The following MRPL13 variants were observed in gnomAD, a reference collection of about 807,000 sequenced individuals.
MRPL13 encodes mitochondrial ribosomal protein L13.
In MRPL13, 33 loss-of-function variants were observed where a neutral mutation model predicts 29.0. That is an observed-to-expected ratio of 1.14 (90% CI 0.86 to 1.52). The LOEUF is 1.52. Among genes scored for constraint, MRPL13 ranks in the 40% most tolerant of loss-of-function variants. The pLI, the probability that MRPL13 is intolerant of heterozygous loss-of-function variation, is 0.00. For missense variants in MRPL13, 227 were observed against 216.7 expected, an observed-to-expected ratio of 1.05 and a Z score of -0.30; for synonymous variants, 77 against 68.4, an observed-to-expected ratio of 1.13 and a Z score of -0.62.
intron 6 of MRPL13, among the ~76,000 whole-genome samples, chr8:120,399,793 G>C (rs2130448286): frequency 6.6e-6 from 1 of 152,100 alleles, no homozygotes; most frequent in Admixed American, 6.5e-5. Context: ...AAGGGATGGA[G>C]GAAAATTTAC....
At chr8:120,426,766 G>C (rs1278084248) in intron 3 of MRPL13, among the ~76,000 whole-genome samples, 1 of 151,996 alleles carries the variant, frequency 6.6e-6, no homozygotes, top group Non-Finnish European at 1.5e-5. Flanking sequence ...GCTAGCCAAG[G>C]GTTTTTCATT....
At chr8:120,420,024 G>C in intron 4 of MRPL13, 86 bp from the exon 5 acceptor site, 1 of 848,530 alleles carries the variant, frequency 1.2e-6, no homozygotes, top group Non-Finnish European at 1.7e-6. Context: ...TGATGAAAAT[G>C]AGGGGTTTAG....
intron 6 of MRPL13, among the ~76,000 whole-genome samples, chr8:120,402,554 A>G (rs1348316643): frequency 6.6e-6 from 1 of 152,224 alleles, no homozygotes. Flanking sequence ...ACCCTAGAAG[A>G]AAATCTGGGC....
chr8:120,407,958 A>G (rs1812695537), intron 6 of MRPL13, among the ~76,000 whole-genome samples: 1 of 152,232 alleles, frequency 6.6e-6, no homozygotes, highest in Admixed American at 6.5e-5. Flanking sequence ...TTTGAGTTTT[A>G]AGTCACTTCC....
intron 6 of MRPL13, among the ~76,000 whole-genome samples, chr8:120,407,183 A>T (rs760273165): frequency 6.6e-6 from 1 of 152,244 alleles, no homozygotes; most frequent in Non-Finnish European, 1.5e-5. Context: ...GAATTCAGAA[A>T]TGACAGAAGT....
At chr8:120,438,654 C>T (rs1813082230) in intron 2 of MRPL13, among the ~76,000 whole-genome samples, 1 of 152,094 alleles carries the variant, frequency 6.6e-6, no homozygotes, top group Non-Finnish European at 1.5e-5. Context: ...GATACCATTG[C>T]TAAGGAAAAA....
intron 3 of MRPL13, among the ~76,000 whole-genome samples, chr8:120,427,657 A>C (rs1377525142): frequency 1.3e-5 from 2 of 152,122 alleles, no homozygotes; most frequent in Non-Finnish European, 2.9e-5. Flanking sequence ...ACTACAAACT[A>C]CTGCCCAAAG....
chr8:120,411,597 G>A (rs778098974), intron 6 of MRPL13, among the ~76,000 whole-genome samples: 3 of 152,118 alleles, frequency 2.0e-5, no homozygotes, highest in Admixed American at 6.6e-5. Flanking sequence ...CTATCCATAC[G>A]TTTCAGTAAA....
At chr8:120,399,616 T>C (rs1036663983) in intron 6 of MRPL13, among the ~76,000 whole-genome samples, 7 of 152,110 alleles carry the variant, frequency 4.6e-5, no homozygotes, top group Non-Finnish European at 8.8e-5. Context: ...GCTAGCATCA[T>C]GACAGGATCA....
At chr8:120,403,896 C>A (rs990090166) in intron 6 of MRPL13, among the ~76,000 whole-genome samples, 2 of 152,126 alleles carry the variant, frequency 1.3e-5, no homozygotes, top group African/African-American at 2.4e-5. Flanking sequence ...CTCTGAGCAA[C>A]AAAGGCACTG....
intron 6 of MRPL13, among the ~76,000 whole-genome samples, chr8:120,401,241 C>T (rs1812593213): frequency 6.6e-6 from 1 of 152,134 alleles, no homozygotes; most frequent in African/African-American, 2.4e-5. Context: ...AACATCGATG[C>T]AAAAATCCTC....
At position 120,395,549 on chromosome 8, in the gene MRPL13, T is replaced by G. The variant is rs1007191414; in HGVS notation, c.*555A>C. 1 of 152,506 alleles carries G rather than the reference T, an allele frequency of 6.6e-6. No homozygotes were observed. Among genetic ancestry groups the G allele is most frequent in the African/African-American group, 2.4e-5 (1 of 41,446 alleles). 9.4% of individuals were successfully genotyped at this position (152,506 alleles called of 1,614,324 possible). ...ATTTCTAACGAGCAGACAGGCATTATGTATTCTGGTGTCATTGTGGGGCCA... is the reference window on the plus strand; with the variant it reads ...ATTTCTAACGAGCAGACAGGCATTAGGTATTCTGGTGTCATTGTGGGGCCA... On this transcript the variant is annotated 3_prime_UTR_variant, in exon 7 of 7. Coordinates refer to ENST00000306185, the MANE Select transcript of MRPL13 (RefSeq NM_014078.6).
At chr8:120,420,651 T>G (rs1812861874) in intron 4 of MRPL13, among the ~76,000 whole-genome samples, 1 of 151,634 alleles carries the variant, frequency 6.6e-6, no homozygotes, top group African/African-American at 2.4e-5. Flanking sequence ...CGGCAAAAAT[T>G]TCTACTAGAC....
At chr8:120,415,099 A>G (rs1812788608) in intron 5 of MRPL13, 1 of 152,248 alleles carries the variant, frequency 6.6e-6, no homozygotes, top group Non-Finnish European at 1.5e-5. Context: ...TGATAAAATG[A>G]AGAGTGTGGG....
Position 120,409,524 on chromosome 8 carries a change from C to T in MRPL13, c.515+4467G>A, listed in dbSNP as rs532261004. Among the ~76,000 whole-genome samples, 32 of 151,900 alleles carry T rather than the reference C, an allele frequency of 2.1e-4. No individual in the cohort carries two copies. The South Asian group carries it at 5.2e-3, about 25-fold the overall frequency. ...ATTTTAAAGCTACAATCTTAAGCAA[C>T]AGAATTGTGAAGAAAAGATAGTGCT... is the stretch of plus-strand genomic sequence containing the variant. On this transcript the variant is annotated intron_variant, in intron 6 of 6. Coordinates refer to ENST00000306185, the MANE Select transcript of MRPL13 (RefSeq NM_014078.6).
chr8:120,405,187 G>A (rs1812650253), intron 6 of MRPL13, among the ~76,000 whole-genome samples: 1 of 152,318 alleles, frequency 6.6e-6, no homozygotes, highest in African/African-American at 2.4e-5. Flanking sequence ...CATTTTTCAG[G>A]AGGTTCCCCT....
At chr8:120,419,961 A>C in intron 4 of MRPL13, 23 bp from the exon 5 acceptor site, 2 of 1,468,378 alleles carry the variant, frequency 1.4e-6, no homozygotes, top group Non-Finnish European at 1.8e-6. Flanking sequence ...CATAGGACAC[A>C]ATAAGAAAAT....
chr8:120,410,667 T>G (rs1192903961), intron 6 of MRPL13, among the ~76,000 whole-genome samples: 1 of 152,228 alleles, frequency 6.6e-6, no homozygotes, highest in Non-Finnish European at 1.5e-5. Flanking sequence ...AGTTCCTTAG[T>G]CACATTAGCC....
rs1481323488 is a variant in MRPL13 at position 120,445,064 on chromosome 8, T to C, written c.27+4A>G. On this transcript the variant is annotated splice_donor_region_variant and intron_variant, in intron 1 of 6. Coordinates refer to ENST00000306185, the MANE Select transcript of MRPL13 (RefSeq NM_014078.6). ...CCCATCAAGCCATAAGAGTCCGAGC[T>C]CACCTGGGGCGCCCTAGAGAAACTC... The C allele has an allele frequency of 1.9e-6, 3 of 1,613,904 alleles. No homozygotes were observed. Among genetic ancestry groups the C allele is most frequent in the Non-Finnish European group, 2.5e-6 (3 of 1,179,926 alleles).
Sources: gnomAD v4.1 joint callset for allele counts (sites outside exome capture counted in the v4.1 genomes callset) on GRCh38, gnomAD v4.1.1 for gene constraint, MANE v1.5 for transcripts, NCBI Gene and HGNC (gene_info 2026-07-23, HGNC 2026-07-21) for gene names.